Variants in GLRA1 observed in about 807,000 individuals in gnomAD.
The protein encoded by GLRA1 is glycine receptor alpha 1.
In GLRA1, 37 loss-of-function variants were observed where a neutral mutation model predicts 48.3. That is an observed-to-expected ratio of 0.77 (90% confidence interval 0.59 to 1.01). The LOEUF is 1.01. GLRA1 is among the 50% of genes least tolerant of loss of function. The pLI is 0.00. For synonymous variants in GLRA1, 196 were observed against 210.7 expected (o/e 0.93, Z 0.60); for missense variants, 427 against 571.0 (o/e 0.75, Z 2.57).
rs202218874 is a variant in GLRA1, at chr5:151,844,621, C to CAAAA, written c.912+6765_912+6768dup. ...TGGGTGACAGAGTAGTACTCTATCT[C>CAAAA]AAAAAAAAAAAAAAAAAAAAGAAAA... On this transcript the variant is annotated intron_variant, in intron 7 of 8. Transcript: ENST00000274576. Among the ~76,000 whole-genome samples, 329 of 49,706 alleles carry CAAAA rather than the reference C, an allele frequency of 6.6e-3. 8 individuals are homozygous for CAAAA. Among genetic ancestry groups the CAAAA allele is most frequent in the African/African-American group, 0.018 (252 of 13,934 alleles). 32.6% of individuals were successfully genotyped at this position (49,706 alleles called of 152,430 possible).
intron 7 of GLRA1, among the ~76,000 whole-genome samples, chr5:151,829,308 A>G (rs529944774): frequency 2.6e-4 from 39 of 152,328 alleles, no homozygotes; most frequent in African/African-American, 9.4e-4. Context: ...AGAGAAGACA[A>G]TGGTATATTT....
intron 3 of GLRA1, among the ~76,000 whole-genome samples, chr5:151,885,938 G>T (rs750485404): frequency 9.2e-5 from 14 of 152,286 alleles, no homozygotes; most frequent in South Asian, 2.1e-4. Context: ...ATGGAAGCCT[G>T]AACTAGATTA....
intron 3 of GLRA1, among the ~76,000 whole-genome samples, chr5:151,883,440 AG>A (rs1378212523): frequency 6.6e-6 from 1 of 151,368 alleles, no homozygotes; most frequent in Non-Finnish European, 1.5e-5. Flanking sequence ...ATTTATCTAT[AG>A]GTTATGAGAA....
intron 7 of GLRA1, among the ~76,000 whole-genome samples, chr5:151,833,796 C>CAAAAAA (rs757336792): frequency 0.28 from 17,652 of 63,304 alleles, 2,297 homozygotes; most frequent in Non-Finnish European, 0.31. Context: ...AAGTGGAAAG[C>CAAAAAA]AAAAAAAAAA....
At chr5:151,834,288 G>A (rs1763508270) in intron 7 of GLRA1, among the ~76,000 whole-genome samples, 1 of 152,120 alleles carries the variant, frequency 6.6e-6, no homozygotes, top group Admixed American at 6.5e-5. Flanking sequence ...TCAGACCACA[G>A]CACAATCAAA....
intron 1 of GLRA1, among the ~76,000 whole-genome samples, chr5:151,902,756 G>A (rs1367975588): frequency 6.6e-6 from 1 of 152,026 alleles, no homozygotes; most frequent in African/African-American, 2.4e-5. Context: ...ACTGTACCAG[G>A]CATTACACCA....
chr5:151,882,468 G>A (rs763996873), intron 3 of GLRA1, among the ~76,000 whole-genome samples: 2 of 152,186 alleles, frequency 1.3e-5, no homozygotes, highest in Non-Finnish European at 2.9e-5. Flanking sequence ...TATACTAATA[G>A]CAGTTTCCCA....
intron 5 of GLRA1, 123 bp from the exon 6 acceptor site, chr5:151,855,300 G>A: frequency 1.0e-6 from 1 of 962,282 alleles, no homozygotes; most frequent in Non-Finnish European, 1.6e-6. Flanking sequence ...TGTGAGACCA[G>A]GTTCCTTTTT....
chr5:151,853,245 C>T (rs368677607), intron 6 of GLRA1, among the ~76,000 whole-genome samples: 3 of 151,964 alleles, frequency 2.0e-5, no homozygotes, highest in African/African-American at 7.2e-5. Flanking sequence ...CTCCTTTTTA[C>T]TTATTTTTTT....
chr5:151,849,411 C>G (rs796778421), intron 7 of GLRA1, among the ~76,000 whole-genome samples: 1 of 23,404 alleles, frequency 4.3e-5, no homozygotes, highest in African/African-American at 2.9e-4. Flanking sequence ...CTTTCCTTTC[C>G]TTTCCTTTCC....
intron 3 of GLRA1, among the ~76,000 whole-genome samples, chr5:151,864,561 G>A (rs1753284072): frequency 6.6e-6 from 1 of 152,228 alleles, no homozygotes; most frequent in Admixed American, 6.5e-5. Flanking sequence ...GGTGTGGACA[G>A]CCAATCCTGT....
In GLRA1 at chr5:151,886,710, G is replaced by C. The variant is rs1753915124; in HGVS notation, c.252+11C>G. On this transcript the variant is annotated intron_variant, in intron 3 of 8. Coordinates refer to ENST00000274576, the MANE Select transcript of GLRA1 (RefSeq NM_000171.4). The stretch of plus-strand genomic sequence containing the variant: ...AGCAGGAACTAACAGCTTGTGTTTT[G>C]ACTTACTCACCATGGTTGTCTCAGC... The C allele has an allele frequency of 1.9e-6, 3 of 1,588,892 alleles. No individual in the cohort carries two copies. Among genetic ancestry groups the C allele is most frequent in the Non-Finnish European group, 2.6e-6 (3 of 1,157,038 alleles).
chr5:151,858,759 CTCA>C (rs893091374), intron 4 of GLRA1, among the ~76,000 whole-genome samples: 1 of 137,080 alleles, frequency 7.3e-6, no homozygotes, highest in African/African-American at 2.9e-5. Flanking sequence ...ACAGTTAAGG[CTCA>C]TCACCCAAAG....
chr5:151,853,898 C>T (rs1010629651), intron 6 of GLRA1, among the ~76,000 whole-genome samples: 4 of 151,888 alleles, frequency 2.6e-5, no homozygotes, highest in African/African-American at 9.7e-5. Flanking sequence ...TAGACACACA[C>T]ACATACACAC....
chr5:151,881,118 A>G (rs988886539), intron 3 of GLRA1, among the ~76,000 whole-genome samples: 1 of 152,314 alleles, frequency 6.6e-6, no homozygotes, highest in African/African-American at 2.4e-5. Flanking sequence ...CCACTGCACA[A>G]TTCCACGATC....
At chr5:151,854,721 C>T (rs1752992222) in intron 6 of GLRA1, among the ~76,000 whole-genome samples, 1 of 152,220 alleles carries the variant, frequency 6.6e-6, no homozygotes, top group Admixed American at 6.5e-5. Flanking sequence ...AATGCCAGTT[C>T]ATCTGTGACA....
At chr5:151,900,920 A>AT (rs1225658861) in intron 1 of GLRA1, among the ~76,000 whole-genome samples, 3 of 152,202 alleles carry the variant, frequency 2.0e-5, no homozygotes, top group African/African-American at 7.2e-5. Context: ...CTCAGTAAAT[A>AT]TTTGTTAAAT....
At chr5:151,844,648 G>GAAAAAA in intron 7 of GLRA1, among the ~76,000 whole-genome samples, 1 of 125,348 alleles carries the variant, frequency 8.0e-6, no homozygotes, top group Non-Finnish European at 1.7e-5. Flanking sequence ...AAAAGAAAAA[G>GAAAAAA]AAAAAAAAAG....
chr5:151,896,348 T>C (rs1737025918), intron 1 of GLRA1, among the ~76,000 whole-genome samples: 1 of 152,216 alleles, frequency 6.6e-6, no homozygotes. Flanking sequence ...GAACTTACAT[T>C]TTCAAGTGTT....
Sources: allele counts gnomAD v4.1 joint callset (sites outside exome capture counted in the v4.1 genomes callset), GRCh38; gene constraint gnomAD v4.1.1; transcripts MANE v1.5; gene names NCBI Gene and HGNC (gene_info 2026-07-23, HGNC 2026-07-21).